Variants in C16orf74 observed in about 807,000 individuals in gnomAD.
C16orf74 encodes uncharacterized protein C16orf74.
C16orf74 carries 10 observed loss-of-function variants against 6.5 expected under a neutral mutation model. That is an observed-to-expected ratio of 1.54 (90% CI 0.95 to 2.61). C16orf74 has a LOEUF of 2.61. Among genes scored for constraint, C16orf74 ranks in the 30% most tolerant of loss-of-function variants. The pLI, the probability that C16orf74 is intolerant of heterozygous loss-of-function variation, is 0.00. For synonymous variants in C16orf74, 60 were observed against 42.5 expected (o/e 1.41, Z -1.60); for missense variants, 141 against 105.9 (o/e 1.33, Z -1.45).
At chr16:85,714,062 T>G (rs1428849223) in intron 2 of C16orf74, among the ~76,000 whole-genome samples, 1 of 152,106 alleles carries the variant, frequency 6.6e-6, no homozygotes, top group Non-Finnish European at 1.5e-5. Flanking sequence ...GGTGGAAGGG[T>G]GGGTGGTCAT....
intron 2 of C16orf74, among the ~76,000 whole-genome samples, chr16:85,721,478 G>A (rs1410033859): frequency 2.0e-5 from 3 of 152,138 alleles, no homozygotes; most frequent in Non-Finnish European, 4.4e-5. Context: ...GCCTTCCATC[G>A]CATTTGAATC....
intron 2 of C16orf74, among the ~76,000 whole-genome samples, chr16:85,714,612 G>T (rs1394158350): frequency 2.0e-5 from 3 of 151,164 alleles, no homozygotes; most frequent in African/African-American, 7.3e-5. Flanking sequence ...TAGAGACGGC[G>T]TTTCACCATA....
At chr16:85,738,676 GGA>G (rs2054271000) in intron 1 of C16orf74, among the ~76,000 whole-genome samples, 1 of 151,872 alleles carries the variant, frequency 6.6e-6, no homozygotes, top group South Asian at 2.1e-4. Flanking sequence ...CTCACATGCA[GGA>G]GAGAGAATCC....
intron 2 of C16orf74, among the ~76,000 whole-genome samples, chr16:85,712,031 A>G (rs1038314872): frequency 1.3e-5 from 2 of 152,218 alleles, no homozygotes; most frequent in Non-Finnish European, 2.9e-5. Context: ...AAGACATTGC[A>G]ACTTCCTCCT....
At chr16:85,735,057 T>C in intron 2 of C16orf74, 133 bp downstream of exon 2, 1 of 655,306 alleles carries the variant, frequency 1.5e-6, no homozygotes, top group Admixed American at 3.8e-5. Flanking sequence ...ACCTGCTGTG[T>C]ACAGGACTGC....
chr16:85,729,443 C>T (rs551375005), intron 2 of C16orf74, among the ~76,000 whole-genome samples: 74 of 152,320 alleles, frequency 4.9e-4, no homozygotes, highest in South Asian at 4.3e-3. Flanking sequence ...CCTCCTATGC[C>T]ACCCTCTCAA....
In C16orf74 at chr16:85,710,154, A is replaced by T; in HGVS notation, c.172+10T>A. Reference sequence around the variant, plus strand: ...CCGACCCGGCTTGGCGGTGGAGGGGACGGCCTCACCTGTGCTCCCCAAGTC... The same window carrying T: ...CCGACCCGGCTTGGCGGTGGAGGGGTCGGCCTCACCTGTGCTCCCCAAGTC... On this transcript the variant is annotated intron_variant, in intron 3 of 3. Coordinates refer to ENST00000284245, the MANE Select transcript of C16orf74 (RefSeq NM_206967.3). The T allele has an allele frequency of 7.1e-7, 1 of 1,412,522 alleles. No homozygotes were observed. The highest frequency in any genetic ancestry group is 9.2e-7 in the Non-Finnish European group (1 of 1,086,998). The allele number at this position is 1,412,522 out of a possible 1,614,324, so 87.5% of individuals were successfully genotyped here.
At chr16:85,734,641 G>C (rs1028735425) in intron 2 of C16orf74, among the ~76,000 whole-genome samples, 15 of 152,194 alleles carry the variant, frequency 9.9e-5, no homozygotes, top group Non-Finnish European at 1.9e-4. Flanking sequence ...GGCAGCAATG[G>C]ACTTGGGATG....
chr16:85,736,218 T>C (rs2054243150), intron 1 of C16orf74, among the ~76,000 whole-genome samples: 1 of 152,064 alleles, frequency 6.6e-6, no homozygotes, highest in African/African-American at 2.4e-5. Flanking sequence ...GTTAAGAGCT[T>C]ATTCTGAGGA....
chr16:85,726,501 A>C (rs1258256768), intron 2 of C16orf74, among the ~76,000 whole-genome samples: 3 of 152,126 alleles, frequency 2.0e-5, no homozygotes, highest in Non-Finnish European at 4.4e-5. Flanking sequence ...AATGGCAGGC[A>C]GTGGGTGAGG....
chr16:85,713,235 A>G (rs1406255830), intron 2 of C16orf74, among the ~76,000 whole-genome samples: 1 of 151,694 alleles, frequency 6.6e-6, no homozygotes, highest in Non-Finnish European at 1.5e-5. Flanking sequence ...TCTTGCCTTC[A>G]CATTGTATTC....
rs538131192 is a variant in C16orf74, at chr16:85,748,091, A to T, written c.-19+2835T>A. Among the ~76,000 whole-genome samples, 106 of 67,006 alleles carry T rather than the reference A, an allele frequency of 1.6e-3. 6 individuals carry two copies. Among genetic ancestry groups the T allele is most frequent in the African/African-American group, 3.0e-3 (91 of 30,662 alleles). The allele number at this position is 67,006 out of a possible 152,430, so 44.0% of individuals were successfully genotyped here. On this transcript the variant is annotated intron_variant, in intron 1 of 3. Transcript: ENST00000284245. ...ACAGAGCGAGACTCCGTCTCAAAAA[A>T]ATATATATATATATACATATATATA...
At chr16:85,741,181 T>C (rs1425656792) in intron 1 of C16orf74, among the ~76,000 whole-genome samples, 3 of 152,206 alleles carry the variant, frequency 2.0e-5, no homozygotes, top group African/African-American at 2.4e-5. Flanking sequence ...GGCGGCAGCA[T>C]GTGCGTCAGA....
chr16:85,747,575 C>G (rs1248248045), intron 1 of C16orf74, among the ~76,000 whole-genome samples: 1 of 152,136 alleles, frequency 6.6e-6, no homozygotes, highest in South Asian at 2.1e-4. Context: ...TCTTTCTTGA[C>G]CTGGTGCACA....
intron 3 of C16orf74, among the ~76,000 whole-genome samples, chr16:85,708,826 C>A (rs900677849): frequency 6.6e-6 from 1 of 152,244 alleles, no homozygotes; most frequent in Non-Finnish European, 1.5e-5. Context: ...TGGATTCCCC[C>A]TCCCAGACAG....
At chr16:85,709,740 G>T (rs563998199) in intron 3 of C16orf74, among the ~76,000 whole-genome samples, 1 of 152,336 alleles carries the variant, frequency 6.6e-6, no homozygotes, top group African/African-American at 2.4e-5. Flanking sequence ...CATCTGGAAG[G>T]CCCAGGGTCC....
At chr16:85,744,079 G>C (rs916497272) in intron 1 of C16orf74, 1 of 150,796 alleles carries the variant, frequency 6.6e-6, no homozygotes, top group African/African-American at 2.4e-5. Context: ...TACAAAATTA[G>C]CCGGGCATGG....
At chr16:85,742,356 G>C (rs930460547) in intron 1 of C16orf74, among the ~76,000 whole-genome samples, 1 of 152,112 alleles carries the variant, frequency 6.6e-6, no homozygotes, top group African/African-American at 2.4e-5. Context: ...CTGGGTGACA[G>C]AGCGAGACTC....
intron 1 of C16orf74, among the ~76,000 whole-genome samples, chr16:85,744,993 T>G (rs1270031337): frequency 6.6e-6 from 1 of 150,956 alleles, no homozygotes; most frequent in African/African-American, 2.4e-5. Context: ...AATACAAAAT[T>G]AGCCAGGCAT....
Sources: gnomAD v4.1 joint callset for allele counts (sites outside exome capture counted in the v4.1 genomes callset) on GRCh38, gnomAD v4.1.1 for gene constraint, MANE v1.5 for transcripts, NCBI Gene and HGNC (gene_info 2026-07-23, HGNC 2026-07-21) for gene names.